The following FRMD6 variants were observed in gnomAD, a reference collection of about 807,000 sequenced individuals.
FRMD6 encodes the protein FERM domain-containing protein 6.
Under a neutral mutation model 73.2 loss-of-function variants are expected in FRMD6, and 37 were observed. The ratio of observed to expected loss-of-function variants is 0.51; its 90% CI spans 0.39 to 0.66. The LOEUF (loss-of-function observed/expected upper bound fraction) is 0.66, where lower values mean the gene tolerates loss of function less well. FRMD6 is among the 30% of genes least tolerant of loss of function. The pLI is 0.00. For synonymous variants in FRMD6, 273 were observed against 282.2 expected, an observed-to-expected ratio of 0.97 and a Z score of 0.33; for missense variants, 714 against 780.5, an observed-to-expected ratio of 0.91 and a Z score of 1.02.
intron 1 of FRMD6, among the ~76,000 whole-genome samples, chr14:51,672,758 T>G (rs1894100098): frequency 6.6e-6 from 1 of 152,222 alleles, no homozygotes; most frequent in Admixed American, 6.5e-5. Flanking sequence ...TTTAACAGAT[T>G]TGTCCATCTT....
At chr14:51,645,000 T>C (rs567205458) in intron 2 of FRMD6, among the ~76,000 whole-genome samples, 1 of 152,314 alleles carries the variant, frequency 6.6e-6, no homozygotes, top group South Asian at 2.1e-4. Flanking sequence ...AATCCATAAT[T>C]TCTAATTCAA....
At chr14:51,695,669 C>G (rs542558151) in intron 2 of FRMD6, among the ~76,000 whole-genome samples, 1 of 152,174 alleles carries the variant, frequency 6.6e-6, no homozygotes, top group South Asian at 2.1e-4. Flanking sequence ...CGAACATTTA[C>G]TGAGTGCCTA....
At chr14:51,546,326 A>C (rs1014432993) in intron 1 of FRMD6, among the ~76,000 whole-genome samples, 1 of 151,732 alleles carries the variant, frequency 6.6e-6, no homozygotes. Context: ...TGGCAGCCTC[A>C]GCAGCTCCAA....
intron 6 of FRMD6, among the ~76,000 whole-genome samples, chr14:51,706,928 A>G (rs1374274580): frequency 6.6e-6 from 1 of 152,024 alleles, no homozygotes; most frequent in Non-Finnish European, 1.5e-5. Flanking sequence ...CTGTCAAACT[A>G]TTGCTGTCTG....
chr14:51,422,390 G>GA, the FRMD6 span, among the ~76,000 whole-genome samples: 12 of 151,580 alleles, frequency 7.9e-5, no homozygotes, highest in Non-Finnish European at 1.5e-5. Flanking sequence ...CTATAATTAG[G>GA]AAAAAAATTA....
At chr14:51,527,568 C>T (rs1354897766) in intron 1 of FRMD6, among the ~76,000 whole-genome samples, 1 of 152,162 alleles carries the variant, frequency 6.6e-6, no homozygotes, top group Non-Finnish European at 1.5e-5. Context: ...AAACAACATT[C>T]CCAATGGGGT....
the FRMD6 span, among the ~76,000 whole-genome samples, chr14:51,429,005 GGGGAGAGAGAGGGT>G: frequency 6.1e-5 from 9 of 146,934 alleles, no homozygotes; most frequent in Admixed American, 6.1e-4. Flanking sequence ...GGGAGAGAGA[GGGGAGAGAGAGGGT>G]GGGAGAGAGA....
rs1210281300 is a variant in FRMD6, at chr14:51,623,586, A to G, written c.-147+53176A>G. 2.6e-5 allele frequency among the ~76,000 whole-genome samples: 4 copies of G among 152,232 alleles called. No individual in the cohort carries two copies. The East Asian group carries it at 5.8e-4, about 22-fold the overall frequency. ...AAGTAGAAAGCCACTTTACATCTCA[A>G]CCTGGATGGCTCCTCATCATCCTTC... On this transcript the variant is annotated intron_variant, in intron 2 of 14. Transcript: ENST00000356218.
At chr14:51,517,591 G>A (rs1382652012) in intron 1 of FRMD6, among the ~76,000 whole-genome samples, 1 of 151,944 alleles carries the variant, frequency 6.6e-6, no homozygotes, top group Non-Finnish European at 1.5e-5. Flanking sequence ...AAATTACCGA[G>A]CTCTGATCCT....
chr14:51,469,717 A>C, the FRMD6 span, among the ~76,000 whole-genome samples: 1 of 150,804 alleles, frequency 6.6e-6, no homozygotes, highest in East Asian at 1.9e-4. Flanking sequence ...TTTGTCTATC[A>C]TGAGAAATAC....
At chr14:51,514,195 G>T (rs1404227550) in intron 1 of FRMD6, among the ~76,000 whole-genome samples, 1 of 152,172 alleles carries the variant, frequency 6.6e-6, no homozygotes, top group African/African-American at 2.4e-5. Flanking sequence ...CAGGCAGGAG[G>T]TCGCTGGGTA....
chr14:51,723,624 G>A (rs200564201), intron 12 of FRMD6, among the ~76,000 whole-genome samples: 42,789 of 149,760 alleles, frequency 0.29, 6,405 homozygotes, highest in African/African-American at 0.38. Context: ...CTACTAAAAT[G>A]CAAAAAAAAA....
the FRMD6 span, among the ~76,000 whole-genome samples, chr14:51,408,776 T>C: frequency 1.3e-5 from 2 of 152,200 alleles, no homozygotes; most frequent in African/African-American, 4.8e-5. Context: ...TCTGCTTCCT[T>C]TAATGGAAGC....
chr14:51,405,166 C>T, the FRMD6 span, among the ~76,000 whole-genome samples: 1 of 152,228 alleles, frequency 6.6e-6, no homozygotes, highest in East Asian at 1.9e-4. Context: ...TTTCTTTATT[C>T]AATCTGTCAT....
At chr14:51,683,446 T>A (rs977228674) in intron 1 of FRMD6, among the ~76,000 whole-genome samples, 3 of 54,416 alleles carry the variant, frequency 5.5e-5, no homozygotes, top group Non-Finnish European at 1.1e-4. Flanking sequence ...TGCTCAGCTA[T>A]TTTTTTTTTT....
chr14:51,485,878 TAAC>T (rs1362457591), upstream of FRMD6, among the ~76,000 whole-genome samples: 1 of 152,200 alleles, frequency 6.6e-6, no homozygotes, highest in Non-Finnish European at 1.5e-5. Context: ...CAGAGCATTT[TAAC>T]AACAGGTGAC....
chr14:51,703,541 A>T (rs2140461491), intron 5 of FRMD6, among the ~76,000 whole-genome samples: 1 of 152,100 alleles, frequency 6.6e-6, no homozygotes, highest in East Asian at 1.9e-4. Flanking sequence ...TACTTATTTT[A>T]CCTGGTAAGT....
At chr14:51,547,246 A>G (rs1029471376) in intron 1 of FRMD6, among the ~76,000 whole-genome samples, 2 of 152,162 alleles carry the variant, frequency 1.3e-5, no homozygotes, top group African/African-American at 4.8e-5. Flanking sequence ...AAAAGCACAA[A>G]ACCCTCTACC....
chr14:51,431,857 A>C, the FRMD6 span, among the ~76,000 whole-genome samples: 1 of 152,180 alleles, frequency 6.6e-6, no homozygotes, highest in African/African-American at 2.4e-5. Context: ...AGGCTAAAAG[A>C]GTTCTTGATG....
Sources: allele counts gnomAD v4.1 joint callset (sites outside exome capture counted in the v4.1 genomes callset), GRCh38; gene constraint gnomAD v4.1.1; transcripts MANE v1.5; gene names NCBI Gene and HGNC (gene_info 2026-07-23, HGNC 2026-07-21).